Variants in GRIK1 observed in about 807,000 individuals in gnomAD.
The protein encoded by GRIK1 is glutamate ionotropic receptor kainate type subunit 1.
In GRIK1, 69 loss-of-function variants were observed where a neutral mutation model predicts 105.7. The ratio of observed to expected loss-of-function variants is 0.65; its 90% confidence interval spans 0.54 to 0.80. The LOEUF is 0.80. Among genes scored for constraint, GRIK1 ranks in the 30% least tolerant of loss-of-function variants. The probability of loss-of-function intolerance (pLI) is 0.00; values close to 1 mark genes in which losing one functional copy is unlikely to be tolerated. For missense variants in GRIK1, 1,109 were observed against 1,167.3 expected (o/e 0.95, Z 0.73); for synonymous variants, 438 against 431.3 (o/e 1.02, Z -0.19).
intron 1 of GRIK1, among the ~76,000 whole-genome samples, chr21:29,821,750 G>A (rs1247058408): frequency 2.0e-5 from 3 of 151,978 alleles, no homozygotes; most frequent in Non-Finnish European, 4.4e-5. Context: ...TCTGTAAGTG[G>A]TTGTGTAAGT....
At chr21:29,684,857 A>T (rs1568972713) in intron 3 of GRIK1, among the ~76,000 whole-genome samples, 1 of 152,102 alleles carries the variant, frequency 6.6e-6, no homozygotes, top group Non-Finnish European at 1.5e-5. Flanking sequence ...ACCTATCATG[A>T]TCTATTTTCT....
intron 1 of GRIK1, among the ~76,000 whole-genome samples, chr21:29,872,984 G>A (rs184512506): frequency 1.3e-5 from 2 of 152,322 alleles, no homozygotes; most frequent in Admixed American, 6.5e-5. Context: ...AGATTGAGAC[G>A]AAAGTGGACA....
At chr21:29,909,169 A>G (rs1465292177) in intron 1 of GRIK1, among the ~76,000 whole-genome samples, 2 of 152,080 alleles carry the variant, frequency 1.3e-5, no homozygotes, top group Non-Finnish European at 2.9e-5. Context: ...TCAAGCCACG[A>G]AATTTTTAAA....
At chr21:29,620,310 T>C (rs1190898184) in intron 7 of GRIK1, among the ~76,000 whole-genome samples, 1 of 152,208 alleles carries the variant, frequency 6.6e-6, no homozygotes, top group Non-Finnish European at 1.5e-5. Flanking sequence ...GTGGACTTTT[T>C]CTTGCAGCAA....
intron 8 of GRIK1, chr21:29,597,722 C>T: frequency 2.5e-6 from 1 of 405,466 alleles, no homozygotes; most frequent in Non-Finnish European, 5.2e-6. Flanking sequence ...ATAATGTGTA[C>T]TCTCAAAACT....
intron 13 of GRIK1, among the ~76,000 whole-genome samples, chr21:29,578,650 A>G (rs1168470629): frequency 6.6e-6 from 1 of 152,160 alleles, no homozygotes; most frequent in Non-Finnish European, 1.5e-5. Flanking sequence ...TGAGTGGGTA[A>G]TATTACACAG....
chr21:29,593,238 T>C (rs2061357751), intron 9 of GRIK1, among the ~76,000 whole-genome samples: 1 of 151,986 alleles, frequency 6.6e-6, no homozygotes, highest in African/African-American at 2.4e-5. Context: ...CATTTGAAAA[T>C]ATTGTGGTCC....
At chr21:29,871,245 G>A (rs905237550) in intron 1 of GRIK1, among the ~76,000 whole-genome samples, 29 of 152,112 alleles carry the variant, frequency 1.9e-4, no homozygotes, top group African/African-American at 6.8e-4. Context: ...AGCATGATAG[G>A]TGGCCAATTT....
At chr21:29,674,888 G>T (rs2254136) in intron 3 of GRIK1, among the ~76,000 whole-genome samples, 204 of 152,092 alleles carry the variant, frequency 1.3e-3, no homozygotes, top group Middle Eastern at 3.4e-3. Context: ...TAGAATAGTA[G>T]GCTTCCTGGA....
intron 1 of GRIK1, among the ~76,000 whole-genome samples, chr21:29,832,776 T>C (rs1269522370): frequency 6.6e-6 from 1 of 152,216 alleles, no homozygotes. Flanking sequence ...TTTCCCATTG[T>C]CTTGGCCATT....
At chr21:29,897,732 T>A (rs393970) in intron 1 of GRIK1, among the ~76,000 whole-genome samples, 33,670 of 152,170 alleles carry the variant, frequency 0.22, 4,255 homozygotes, top group African/African-American at 0.34. Context: ...CCATAAACCA[T>A]GGGCAAGTTA....
intron 1 of GRIK1, among the ~76,000 whole-genome samples, chr21:29,729,154 CT>C (rs746040065): frequency 7.9e-5 from 12 of 152,158 alleles, no homozygotes; most frequent in Non-Finnish European, 1.8e-4. Context: ...GGAAATACCA[CT>C]TTTTGTAACC....
chr21:29,853,359 T>C (rs559137507), intron 1 of GRIK1, among the ~76,000 whole-genome samples: 4 of 152,320 alleles, frequency 2.6e-5, no homozygotes, highest in African/African-American at 9.6e-5. Context: ...GCAGCACCCT[T>C]GGCCAAGAAT....
At chr21:29,798,087 A>G (rs767700785) in intron 1 of GRIK1, among the ~76,000 whole-genome samples, 2 of 152,226 alleles carry the variant, frequency 1.3e-5, no homozygotes, top group African/African-American at 2.4e-5. Flanking sequence ...CAACATGATG[A>G]GTCCTGAATA....
chr21:29,799,667 CT>C (rs2066650776), intron 1 of GRIK1, among the ~76,000 whole-genome samples: 1 of 152,104 alleles, frequency 6.6e-6, no homozygotes, highest in South Asian at 2.1e-4. Flanking sequence ...GTAGCTGGGA[CT>C]ACAGGCATGC....
chr21:29,897,128 AATTTTTC>A (rs781606046), intron 1 of GRIK1, among the ~76,000 whole-genome samples: 1 of 152,216 alleles, frequency 6.6e-6, no homozygotes, highest in Non-Finnish European at 1.5e-5. Flanking sequence ...TCGACCTGAT[AATTTTTC>A]ATGCCTTTGT....
chr21:29,666,534 A>T (rs917099894), intron 4 of GRIK1, among the ~76,000 whole-genome samples: 4 of 152,164 alleles, frequency 2.6e-5, no homozygotes, highest in Non-Finnish European at 5.9e-5. Flanking sequence ...TTTTGCCTTA[A>T]TCGGGCAGAG....
chr21:29,884,876 T>C (rs1319178017), intron 1 of GRIK1, among the ~76,000 whole-genome samples: 1 of 152,040 alleles, frequency 6.6e-6, no homozygotes, highest in Non-Finnish European at 1.5e-5. Flanking sequence ...CATCCAGTGT[T>C]CACCCACAGA....
At chr21:29,865,309 A>G (rs78973639) in intron 1 of GRIK1, among the ~76,000 whole-genome samples, 1 of 144,718 alleles carries the variant, frequency 6.9e-6, no homozygotes, top group South Asian at 2.2e-4. Context: ...CTCACATCCC[A>G]CTCCAAATAA....
Sources: gnomAD v4.1 joint callset for allele counts (sites outside exome capture counted in the v4.1 genomes callset) on GRCh38, gnomAD v4.1.1 for gene constraint, MANE v1.5 for transcripts, NCBI Gene and HGNC (gene_info 2026-07-23, HGNC 2026-07-21) for gene names.